Variants in HMGXB4 observed in about 807,000 individuals in gnomAD.
The protein encoded by HMGXB4 is HMG-box containing 4, also known as HMG domain-containing protein 4.
A neutral mutation model predicts 63.9 loss-of-function variants in HMGXB4; 27 were observed. That is an observed-to-expected ratio of 0.42 (90% CI 0.31 to 0.58). The LOEUF (loss-of-function observed/expected upper bound fraction) is 0.58, where lower values mean the gene tolerates loss of function less well. Ranked by LOEUF, HMGXB4 falls within the 20% of genes least tolerant of loss-of-function variation. The pLI is 0.13. For missense variants in HMGXB4, 624 were observed against 700.7 expected (o/e 0.89, Z 1.24); for synonymous variants, 264 against 265.3 (o/e 0.99, Z 0.05).
chr22:35,262,420 A>C lies in HMGXB4; in HGVS notation c.30A>C (p.Glu10Asp). MAYDDSVKK[E>D]DCFDGDHTFE... ...CTTATGATGACTCCGTGAAGAAAGA[A>C]GGTATGACCCCATAATCTGAGAAGC... Residue 10 changes from glutamate to aspartate, a missense_variant and splice_region_variant, in exon 2 of 11, where the codon GAA becomes GAC. Around this residue, in one of 2 missense-constraint regions of HMGXB4, gnomAD observed 472 missense variants for 470.6 expected, o/e 1.00. Transcript: ENST00000216106. 2 of 1,613,882 alleles carry C rather than the reference A, an allele frequency of 1.2e-6. No individual in the cohort carries two copies. The highest frequency in any genetic ancestry group is 1.7e-6 in the Non-Finnish European group (2 of 1,179,722).
At chr22:35,273,374 G>T (rs911798745) in intron 5 of HMGXB4, among the ~76,000 whole-genome samples, 1 of 152,182 alleles carries the variant, frequency 6.6e-6, no homozygotes, top group Admixed American at 6.5e-5. Flanking sequence ...CTCAAATTCA[G>T]CAGACTTGGA....
At chr22:35,292,840 T>TA (rs1267715943) in intron 9 of HMGXB4, 152 bp from the exon 10 acceptor site, 1 of 865,258 alleles carries the variant, frequency 1.2e-6, no homozygotes, top group Non-Finnish European at 1.8e-6. Flanking sequence ...CTAAACAACT[T>TA]ACAGAGTTAT....
intron 9 of HMGXB4, among the ~76,000 whole-genome samples, chr22:35,289,829 A>C (rs898747105): frequency 2.0e-5 from 3 of 152,244 alleles, no homozygotes; most frequent in African/African-American, 7.2e-5. Context: ...ACTCATTAGT[A>C]TAGTAGTTCC....
upstream of HMGXB4, among the ~76,000 whole-genome samples, chr22:35,255,651 C>T (rs1922364446): frequency 6.6e-6 from 1 of 152,220 alleles, no homozygotes; most frequent in Admixed American, 6.5e-5. Context: ...GTCAAAGGAC[C>T]AGCTTGAGTT....
intron 5 of HMGXB4, among the ~76,000 whole-genome samples, chr22:35,270,978 G>A (rs1486397117): frequency 6.6e-6 from 1 of 152,126 alleles, no homozygotes; most frequent in Admixed American, 6.6e-5. Flanking sequence ...AAAAGTCAGG[G>A]ACAGGCAGGC....
At chr22:35,275,608 G>A (rs75387803) in intron 5 of HMGXB4, among the ~76,000 whole-genome samples, 3,772 of 152,238 alleles carry the variant, frequency 0.025, 157 homozygotes, top group African/African-American at 0.085. Context: ...GCCAGGAGCA[G>A]TGGCACACAC....
chr22:35,260,247 A>G (rs16995548), intron 1 of HMGXB4, among the ~76,000 whole-genome samples: 9,380 of 152,304 alleles, frequency 0.062, 376 homozygotes, highest in African/African-American at 0.11. Flanking sequence ...TTCTTTGCCA[A>G]AATTCATGCA....
In HMGXB4 at chr22:35,293,697, G is replaced by C. The variant is rs759318880; in HGVS notation, c.*46G>C. 6 of 1,477,616 alleles carry C rather than the reference G, an allele frequency of 4.1e-6. No homozygotes were observed. The South Asian group carries it at 6.8e-5, about 17-fold the overall frequency. 91.5% of individuals were successfully genotyped at this position (1,477,616 alleles called of 1,614,324 possible). Reference sequence around the variant, plus strand: ...GAAACCTTATCCTACACCATTGCTGGTTTGTGTATATATGACTGTTGCAGA... The same window carrying C: ...GAAACCTTATCCTACACCATTGCTGCTTTGTGTATATATGACTGTTGCAGA... On this transcript the variant is annotated 3_prime_UTR_variant, in exon 11 of 11. Coordinates refer to ENST00000216106, the MANE Select transcript of HMGXB4 (RefSeq NM_001003681.3).
chr22:35,287,550 C>T, intron 8 of HMGXB4, 98 bp downstream of exon 8: 1 of 746,876 alleles, frequency 1.3e-6, no homozygotes. Flanking sequence ...TAGAAGTGGA[C>T]CTTGATTCCC....
At chr22:35,272,662 C>T (rs958890899) in intron 5 of HMGXB4, among the ~76,000 whole-genome samples, 24 of 152,152 alleles carry the variant, frequency 1.6e-4, no homozygotes, top group Admixed American at 5.2e-4. Flanking sequence ...AATAGCCAGG[C>T]GTGGTGGCTC....
At chr22:35,247,266 G>C in the HMGXB4 span, among the ~76,000 whole-genome samples, 4,097 of 152,244 alleles carry the variant, frequency 0.027, 74 homozygotes, top group Non-Finnish European at 0.045. Context: ...GATCAGAGAG[G>C]CCTTTACTCT....
chr22:35,285,987 T>G lies in HMGXB4; in HGVS notation c.1298-10T>G. 6.2e-7 allele frequency: 1 copy of G among 1,604,716 alleles called. No individual in the cohort carries two copies. The highest frequency in any genetic ancestry group is 8.5e-7 in the Non-Finnish European group (1 of 1,176,064). ...TTTACTGTATTGAGTGTTTTACTCT[T>G]TTATGCCAGATTTTGGGGAACTTAG... On this transcript the variant is annotated splice_polypyrimidine_tract_variant and intron_variant, in intron 6 of 10. Transcript: ENST00000216106.
chr22:35,291,739 G>C (rs1027257545), intron 9 of HMGXB4, among the ~76,000 whole-genome samples: 25 of 152,180 alleles, frequency 1.6e-4, no homozygotes, highest in Non-Finnish European at 2.9e-5. Flanking sequence ...TTGTGAGGCA[G>C]AATTTGTTCC....
At chr22:35,276,663 AAG>A (rs1456135583) in intron 5 of HMGXB4, among the ~76,000 whole-genome samples, 2 of 152,178 alleles carry the variant, frequency 1.3e-5, no homozygotes, top group Non-Finnish European at 2.9e-5. Flanking sequence ...GAGGATTTGA[AAG>A]AGAGGATCCT....
At position 35,295,779 on chromosome 22, in the gene HMGXB4, T is replaced by G. The variant is rs1925231608; in HGVS notation, c.*2128T>G. 1 of 152,634 alleles carries G rather than the reference T, an allele frequency of 6.6e-6. No homozygotes were observed. The highest frequency in any genetic ancestry group is 2.1e-4 in the South Asian group (1 of 4,834). The allele number at this position is 152,634 out of a possible 1,614,324, so 9.5% of individuals were successfully genotyped here. ...AAGAAATAAAATTTTGTACTTATAT[T>G]ATTAAAAATCACATTTTTAATATTT... On this transcript the variant is annotated 3_prime_UTR_variant, in exon 11 of 11. Transcript: ENST00000216106.
Sources: allele counts gnomAD v4.1 joint callset (sites outside exome capture counted in the v4.1 genomes callset), GRCh38; gene constraint gnomAD v4.1.1; regional missense constraint gnomAD v4.1.1; transcripts MANE v1.5; gene names NCBI Gene and HGNC (gene_info 2026-07-23, HGNC 2026-07-21).